Variants in RHCG observed in about 807,000 individuals in gnomAD.
The protein encoded by RHCG is Rh family C glycoprotein, also known as ammonium transporter Rh type C.
Under a neutral mutation model 55.3 loss-of-function variants are expected in RHCG, and 39 were observed. The ratio of observed to expected loss-of-function variants is 0.70; its 90% confidence interval spans 0.55 to 0.92. RHCG has a LOEUF of 0.92. Among genes scored for constraint, RHCG ranks in the 40% least tolerant of loss-of-function variants. RHCG has a pLI of 0.00. For missense variants in RHCG, 635 were observed against 627.9 expected, an observed-to-expected ratio of 1.01 and a Z score of -0.12; for synonymous variants, 250 against 246.8, an observed-to-expected ratio of 1.01 and a Z score of -0.12.
chr15:89,479,412 G>A lies in RHCG; in HGVS notation c.747C>T (p.Ala249=), dbSNP rs142964734. The A allele has an allele frequency of 1.1e-4, 170 of 1,614,052 alleles. No individual in the cohort carries two copies. The highest frequency in any genetic ancestry group is 1.6e-4 in the African/African-American group (12 of 74,936). ...ISYHGDSQHR[A]AINTYCSLAA... ...CCAAGGAGCAGTAGGTGTTGATGGC[G>A]GCTCGGTGCTGGCTGTCCCCATGGT... The change falls in exon 5 of 11, where the codon GCC becomes GCT. Residue 249 remains alanine, a synonymous_variant. Coordinates refer to ENST00000268122, the MANE Select transcript of RHCG (RefSeq NM_016321.3).
At position 89,496,567 on chromosome 15, in the gene RHCG, C is replaced by T. The variant is rs1388181241; in HGVS notation, c.-23G>A. Reference sequence around the variant, plus strand: ...CATGCTGCAGGGGTGCCTGGCCGGGCTGGCAGCGGGCGGTTCGGACGCTCG... The same window carrying T: ...CATGCTGCAGGGGTGCCTGGCCGGGTTGGCAGCGGGCGGTTCGGACGCTCG... On this transcript the variant is annotated 5_prime_UTR_variant, in exon 1 of 11. Coordinates refer to ENST00000268122, the MANE Select transcript of RHCG (RefSeq NM_016321.3). 1.3e-6 allele frequency: 2 copies of T among 1,599,616 alleles called. No individual in the cohort carries two copies. Among genetic ancestry groups the T allele is most frequent in the Non-Finnish European group, 1.7e-6 (2 of 1,173,772 alleles).
At chr15:89,478,089 AT>A in intron 5 of RHCG, 115 bp from the exon 6 acceptor site, 2 of 1,372,898 alleles carry the variant, frequency 1.5e-6, no homozygotes, top group Non-Finnish European at 2.0e-6. Flanking sequence ...GGAGCCGGGG[AT>A]GGCTGGGAGT....
chr15:89,476,842 G>A lies in RHCG; in HGVS notation c.1238-14C>T. On this transcript the variant is annotated splice_polypyrimidine_tract_variant and intron_variant, in intron 8 of 10. Transcript: ENST00000268122. ...TCAAAATGAGCCCTACAGAAAGTTG[G>A]AGATTACAGGATGTCAGGAAGTGCC... 6.2e-7 allele frequency: 1 copy of A among 1,610,436 alleles called. No individual in the cohort carries two copies. Among genetic ancestry groups the A allele is most frequent in the South Asian group, 1.1e-5 (1 of 90,998 alleles).
chr15:89,479,552 C>T, intron 4 of RHCG, 64 bp from the exon 5 acceptor site: 1 of 1,445,502 alleles, frequency 6.9e-7, no homozygotes, highest in Non-Finnish European at 9.4e-7. Flanking sequence ...CCCCACAGCT[C>T]AGGCAGGCAT....
At position 89,496,438 on chromosome 15, in the gene RHCG, G is replaced by A. The variant is rs752050202; in HGVS notation, c.107C>T (p.Ala36Val). Residue 36 changes from alanine to valine, a missense_variant, in exon 1 of 11, where the codon GCC becomes GTC. Transcript: ENST00000268122. ...CCTCTCTGACCACCAGTGGGCGTCG[G>A]CCTCGAAGTCGTAGCGCACGAACAC... ...FGVFVRYDFE[A>V]DAHWWSERTH... 1 of 1,614,044 alleles carries A rather than the reference G, an allele frequency of 6.2e-7. No homozygotes were observed. Among genetic ancestry groups the A allele is most frequent in the Admixed American group, 1.7e-5 (1 of 60,030 alleles).
chr15:89,496,554 G>C lies in RHCG; in HGVS notation c.-10C>G. 1 of 1,603,412 alleles carries C rather than the reference G, an allele frequency of 6.2e-7. No individual in the cohort carries two copies. The highest frequency in any genetic ancestry group is 1.3e-5 in the African/African-American group (1 of 74,742). Reference sequence around the variant, plus strand: ...TGGTGTTCCAGGCCATGCTGCAGGGGTGCCTGGCCGGGCTGGCAGCGGGCG... The same window carrying C: ...TGGTGTTCCAGGCCATGCTGCAGGGCTGCCTGGCCGGGCTGGCAGCGGGCG... On this transcript the variant is annotated 5_prime_UTR_variant, in exon 1 of 11. Transcript: ENST00000268122.
intron 10 of RHCG, 27 bp downstream of exon 10, chr15:89,472,684 C>A (rs1219283727): frequency 6.3e-7 from 1 of 1,590,402 alleles, no homozygotes; most frequent in Non-Finnish European, 8.6e-7. Flanking sequence ...ACCTCCCTGT[C>A]ATCCCCCAAG....
In RHCG at chr15:89,493,004, C is replaced by G. The variant is rs114454348; in HGVS notation, c.184+3357G>C. Among the ~76,000 whole-genome samples the G allele has an allele frequency of 2.5e-3, 377 of 152,338 alleles. 1 individual carries two copies. The highest frequency in any genetic ancestry group is 8.6e-3 in the African/African-American group (357 of 41,560). ...CTTAAGATGGGCATGCTGAGGCTCACTGTGGCGAGGTGGTTGGCTCCTCCA... is the reference window on the plus strand; with the variant it reads ...CTTAAGATGGGCATGCTGAGGCTCAGTGTGGCGAGGTGGTTGGCTCCTCCA... On this transcript the variant is annotated intron_variant, in intron 1 of 10. Coordinates refer to ENST00000268122, the MANE Select transcript of RHCG (RefSeq NM_016321.3).
rs1441818902 is a variant in RHCG, at chr15:89,487,048, T to C, written c.185-63A>G. On this transcript the variant is annotated intron_variant, in intron 1 of 10. Transcript: ENST00000268122. Reference sequence around the variant, plus strand: ...CGAAGGTTCGTCCCAGCCCTGGGTCTGGGCCAGGAAGGCCGGGGTAGCCCC... The same window carrying C: ...CGAAGGTTCGTCCCAGCCCTGGGTCCGGGCCAGGAAGGCCGGGGTAGCCCC... 4 of 1,439,784 alleles carry C rather than the reference T, an allele frequency of 2.8e-6. No homozygotes were observed. The East Asian group carries it at 1.0e-4, about 37-fold the overall frequency. The allele number at this position is 1,439,784 out of a possible 1,614,324, so 89.2% of individuals were successfully genotyped here. A position where few individuals can be genotyped will look rare whatever the true frequency, so the allele number is the denominator to read the frequency against.
At chr15:89,479,545 C>G in intron 4 of RHCG, 57 bp from the exon 5 acceptor site, 1 of 1,491,666 alleles carries the variant, frequency 6.7e-7, no homozygotes, top group Non-Finnish European at 9.1e-7. Flanking sequence ...GATACAGCCC[C>G]ACAGCTCAGG....
Position 89,472,773 on chromosome 15 carries a change from G to C in RHCG, c.1402C>G (p.Pro468Ala), listed in dbSNP as rs1207300187. ...GGTACCGAGGAAGCCATGGGTAGTG[G>C]GGACACCATGGGTACTGAGGGTACT... ...PSVPSVPMVSPLPMASSVPLV... is the reference protein window; with the variant it reads ...PSVPSVPMVSALPMASSVPLV... Residue 468 changes from proline (P) to alanine (A), a missense_variant, in exon 10 of 11, where the codon CCA becomes GCA. Physicochemically the swap from Pro to Ala is conservative, Grantham distance 27. Transcript: ENST00000268122. The C allele has an allele frequency of 7.6e-6, 12 of 1,583,182 alleles. No homozygotes were observed. Among genetic ancestry groups the C allele is most frequent in the Non-Finnish European group, 1.0e-5 (12 of 1,164,400 alleles).
In RHCG at chr15:89,496,541, C is replaced by T. The variant is rs749537527; in HGVS notation, c.4G>A (p.Ala2Thr). 1.9e-6 allele frequency: 3 copies of T among 1,611,620 alleles called. No homozygotes were observed. The highest frequency in any genetic ancestry group is 2.5e-6 in the Non-Finnish European group (3 of 1,179,632). The part of the protein sequence containing the change: M[A>T]WNTNLRWRLP... ...CGCCAGCGGAGGTTGGTGTTCCAGG[C>T]CATGCTGCAGGGGTGCCTGGCCGGG... Residue 2 changes from alanine (A) to threonine (T), a missense_variant, in exon 1 of 11, where the codon GCC becomes ACC. Ala to Thr is a moderately conservative substitution (Grantham distance 58, BLOSUM62 0). Transcript: ENST00000268122.
intron 3 of RHCG, among the ~76,000 whole-genome samples, chr15:89,481,052 A>G (rs1961257294): frequency 1.3e-5 from 2 of 152,242 alleles, no homozygotes; most frequent in African/African-American, 4.8e-5. Flanking sequence ...GGTTGTTGAC[A>G]GGGCTGGGAT....
At chr15:89,491,624 G>A (rs996725352) in intron 1 of RHCG, among the ~76,000 whole-genome samples, 3 of 152,008 alleles carry the variant, frequency 2.0e-5, no homozygotes, top group South Asian at 2.1e-4. Context: ...AAAATTAGCC[G>A]GGCAAGGTAG....
At position 89,482,116 on chromosome 15, in the gene RHCG, T is replaced by C. The variant is rs147263894; in HGVS notation, c.522+951A>G. ...CGTGCTTGGCCTAAGTTTGTATTTTTAGTAGAGACGGGGTTTCTCCATGTT... is the reference window on the plus strand; with the variant it reads ...CGTGCTTGGCCTAAGTTTGTATTTTCAGTAGAGACGGGGTTTCTCCATGTT... On this transcript the variant is annotated intron_variant, in intron 3 of 10. Transcript: ENST00000268122. Among the ~76,000 whole-genome samples the C allele has an allele frequency of 9.8e-3, 1,490 of 152,140 alleles. 27 individuals are homozygous for C. The highest frequency in any genetic ancestry group is 0.034 in the African/African-American group (1,421 of 41,474).
chr15:89,484,328 A>G (rs1961321606), intron 2 of RHCG, among the ~76,000 whole-genome samples: 1 of 152,140 alleles, frequency 6.6e-6, no homozygotes, highest in Non-Finnish European at 1.5e-5. Flanking sequence ...TAAGTACTGT[A>G]TATGCCCTCC....
chr15:89,488,289 C>CTG (rs35260637), intron 1 of RHCG, among the ~76,000 whole-genome samples: 54,563 of 151,952 alleles, frequency 0.36, 9,888 homozygotes, highest in Admixed American at 0.41. Context: ...TGAGGCTACA[C>CTG]TTAAATATGG....
At chr15:89,491,031 G>A (rs1013397214) in intron 1 of RHCG, among the ~76,000 whole-genome samples, 6 of 152,194 alleles carry the variant, frequency 3.9e-5, no homozygotes, top group Non-Finnish European at 7.3e-5. Context: ...ACCGCAAGTG[G>A]GGTCCTTTCG....
In RHCG at chr15:89,496,536, C is replaced by A. The variant is rs780290553; in HGVS notation, c.9G>T (p.Trp3Cys). ...GCAGCCGCCAGCGGAGGTTGGTGTTCCAGGCCATGCTGCAGGGGTGCCTGG... is the reference window on the plus strand; with the variant it reads ...GCAGCCGCCAGCGGAGGTTGGTGTTACAGGCCATGCTGCAGGGGTGCCTGG... Reference protein sequence around the residue: MAWNTNLRWRLPL... With the variant: MACNTNLRWRLPL... The change falls in exon 1 of 11, where the codon TGG becomes TGT. Residue 3 changes from tryptophan to cysteine, a missense_variant. Coordinates refer to ENST00000268122, the MANE Select transcript of RHCG (RefSeq NM_016321.3). The A allele has an allele frequency of 3.1e-6, 5 of 1,612,066 alleles. No homozygotes were observed. In the East Asian group the frequency reaches 8.9e-5, roughly 29 times the overall value.
Sources: allele counts gnomAD v4.1 joint callset (sites outside exome capture counted in the v4.1 genomes callset), GRCh38; gene constraint gnomAD v4.1.1; transcripts MANE v1.5; gene names NCBI Gene and HGNC (gene_info 2026-07-23, HGNC 2026-07-21).